The following LRRIQ3 variants were observed in gnomAD, a reference collection of about 807,000 sequenced individuals.
LRRIQ3 encodes the protein leucine-rich repeat and IQ domain-containing protein 3.
Under a neutral mutation model 59.3 loss-of-function variants are expected in LRRIQ3, and 75 were observed. The observed-to-expected ratio is 1.26, with a 90% CI of 1.05 to 1.53. The LOEUF is 1.53. Ranked by LOEUF, LRRIQ3 falls within the 40% of genes most tolerant of loss-of-function variation. LRRIQ3 has a pLI of 0.00. For missense variants in LRRIQ3, 831 were observed against 710.0 expected (o/e 1.17, Z -1.94); for synonymous variants, 250 against 231.3 (o/e 1.08, Z -0.73).
At chr1:74,114,899 T>A (rs561743507) in intron 4 of LRRIQ3, among the ~76,000 whole-genome samples, 89 of 152,130 alleles carry the variant, frequency 5.9e-4, no homozygotes, top group African/African-American at 2.1e-3. Context: ...ATGTTAAGAT[T>A]TAAGTTTATT....
intron 6 of LRRIQ3, among the ~76,000 whole-genome samples, chr1:74,045,037 G>A (rs2100399072): frequency 6.6e-6 from 1 of 152,298 alleles, no homozygotes; most frequent in Non-Finnish European, 1.5e-5. Flanking sequence ...GAGGTACTAA[G>A]AGGAGCTGGT....
At chr1:74,124,003 T>C (rs994257308) in intron 4 of LRRIQ3, among the ~76,000 whole-genome samples, 1 of 151,938 alleles carries the variant, frequency 6.6e-6, no homozygotes, top group African/African-American at 2.4e-5. Flanking sequence ...CATCTACAGA[T>C]GTCTCTATAT....
chr1:74,055,385 CA>C (rs1474593763), intron 6 of LRRIQ3, among the ~76,000 whole-genome samples: 2 of 151,948 alleles, frequency 1.3e-5, no homozygotes, highest in Non-Finnish European at 2.9e-5. Flanking sequence ...CTGACAACTA[CA>C]AACCTATTTT....
chr1:74,165,742 GA>G (rs1292328656), intron 3 of LRRIQ3, among the ~76,000 whole-genome samples: 1 of 151,584 alleles, frequency 6.6e-6, no homozygotes, highest in Non-Finnish European at 1.5e-5. Context: ...TCAAGTTGAG[GA>G]AGTTGCCTTC....
At chr1:74,190,817 C>T (rs188764469) in intron 1 of LRRIQ3, among the ~76,000 whole-genome samples, 14 of 151,826 alleles carry the variant, frequency 9.2e-5, no homozygotes, top group Admixed American at 7.2e-4. Context: ...CAGATAATAA[C>T]GACATTTGAT....
At chr1:74,110,857 TA>T (rs1347405593) in intron 4 of LRRIQ3, among the ~76,000 whole-genome samples, 4 of 152,074 alleles carry the variant, frequency 2.6e-5, no homozygotes, top group Admixed American at 6.6e-5. Context: ...CAGTCTAGGC[TA>T]GTGGAGTAGC....
intron 4 of LRRIQ3, among the ~76,000 whole-genome samples, chr1:74,118,962 C>A (rs1430903497): frequency 6.6e-6 from 1 of 152,078 alleles, no homozygotes; most frequent in East Asian, 1.9e-4. Context: ...GGGTAATATG[C>A]TTCACTCAAA....
intron 6 of LRRIQ3, among the ~76,000 whole-genome samples, chr1:74,057,934 A>AGAAGAT: frequency 6.6e-6 from 1 of 152,292 alleles, no homozygotes. Context: ...ATTTATCAAA[A>AGAAGAT]GAAGATATAA....
intron 4 of LRRIQ3, among the ~76,000 whole-genome samples, chr1:74,136,319 A>G (rs1025660059): frequency 6.6e-6 from 1 of 151,972 alleles, no homozygotes; most frequent in African/African-American, 2.4e-5. Flanking sequence ...TAGAAATAAT[A>G]CCAATCTTTT....
chr1:74,073,509 A>AAAACAAACAAAC (rs150618239), intron 6 of LRRIQ3, among the ~76,000 whole-genome samples: 108 of 149,520 alleles, frequency 7.2e-4, no homozygotes, highest in African/African-American at 2.4e-3. Flanking sequence ...AGACTGTCTT[A>AAAACAAACAAAC]AAACAAACAA....
chr1:74,109,886 AT>A (rs557895402), intron 4 of LRRIQ3, among the ~76,000 whole-genome samples: 1 of 151,360 alleles, frequency 6.6e-6, no homozygotes, highest in African/African-American at 2.4e-5. Flanking sequence ...GTGTGAAGTT[AT>A]TTTTTTTCCA....
At chr1:74,163,664 G>A (rs904809197) in intron 3 of LRRIQ3, among the ~76,000 whole-genome samples, 2 of 151,434 alleles carry the variant, frequency 1.3e-5, no homozygotes, top group Non-Finnish European at 3.0e-5. Context: ...ACTCATTGAA[G>A]GACATCTAGG....
At chr1:74,122,939 G>C (rs570430772) in intron 4 of LRRIQ3, among the ~76,000 whole-genome samples, 22 of 152,112 alleles carry the variant, frequency 1.4e-4, no homozygotes, top group Non-Finnish European at 2.2e-4. Context: ...ATCTGACAAA[G>C]AGCTAATATC....
chr1:74,035,056 C>T lies in LRRIQ3; in HGVS notation c.1718+6157G>A, dbSNP rs1653828737. 2.6e-5 allele frequency among the ~76,000 whole-genome samples: 4 copies of T among 152,142 alleles called. No homozygotes were observed. The South Asian group carries it at 8.3e-4, about 32-fold the overall frequency. ...AAATTACTAGGAGTCCTGGCTAGTA[C>T]ACCCTTCAGAACTATCTGTGCCTTT... On this transcript the variant is annotated intron_variant, in intron 7 of 7. Transcript: ENST00000354431.
chr1:74,094,621 C>T (rs1361214387), intron 5 of LRRIQ3, among the ~76,000 whole-genome samples: 1 of 152,098 alleles, frequency 6.6e-6, no homozygotes, highest in Non-Finnish European at 1.5e-5. Context: ...TTTTAAGCCA[C>T]CAAATTTGTA....
chr1:74,096,983 T>C (rs1225208159), intron 5 of LRRIQ3, among the ~76,000 whole-genome samples: 2 of 152,158 alleles, frequency 1.3e-5, no homozygotes, highest in Admixed American at 1.3e-4. Flanking sequence ...CCAGTTAGGC[T>C]ACTCGGGGGT....
chr1:74,137,917 G>C (rs985160947), intron 4 of LRRIQ3, among the ~76,000 whole-genome samples: 1 of 142,236 alleles, frequency 7.0e-6, no homozygotes, highest in Non-Finnish European at 1.5e-5. Context: ...ACAGGGAGGG[G>C]AACATCACAC....
chr1:74,044,604 A>T (rs373047801), intron 6 of LRRIQ3, among the ~76,000 whole-genome samples: 19 of 152,182 alleles, frequency 1.2e-4, no homozygotes, highest in African/African-American at 4.3e-4. Context: ...AAGACAAGAA[A>T]TAACTAAGAT....
intron 3 of LRRIQ3, among the ~76,000 whole-genome samples, chr1:74,179,574 A>G (rs1250296163): frequency 6.6e-6 from 1 of 151,998 alleles, no homozygotes; most frequent in African/African-American, 2.4e-5. Flanking sequence ...TATTTCAAAC[A>G]TTACTAAATA....
Sources: gnomAD v4.1 joint callset for allele counts (sites outside exome capture counted in the v4.1 genomes callset) on GRCh38, gnomAD v4.1.1 for gene constraint, MANE v1.5 for transcripts, NCBI Gene and HGNC (gene_info 2026-07-23, HGNC 2026-07-21) for gene names.